The following HIVEP3 variants were observed in gnomAD, a reference collection of about 807,000 sequenced individuals.
HIVEP3 encodes transcription factor HIVEP3.
In HIVEP3, 49 loss-of-function variants were observed where a neutral mutation model predicts 152.8. The observed-to-expected ratio is 0.32, with a 90% CI of 0.26 to 0.41. HIVEP3 has a LOEUF of 0.41. Among genes scored for constraint, HIVEP3 ranks in the 10% least tolerant of loss-of-function variants. HIVEP3 has a pLI of 1.00. For synonymous variants in HIVEP3, 1,269 were observed against 1,289.0 expected (o/e 0.98, Z 0.33); for missense variants, 2,790 against 3,103.3 (o/e 0.90, Z 2.40).
intron 1 of HIVEP3, among the ~76,000 whole-genome samples, chr1:42,035,569 G>C (rs991307366): frequency 2.0e-5 from 3 of 152,084 alleles, no homozygotes; most frequent in Non-Finnish European, 4.4e-5. Flanking sequence ...GCCCGGGAAG[G>C]GGGGCTCGGG....
intron 7 of HIVEP3, among the ~76,000 whole-genome samples, chr1:41,514,904 C>T (rs1282466152): frequency 1.3e-5 from 2 of 152,234 alleles, no homozygotes; most frequent in East Asian, 1.9e-4. Context: ...GAATACTAGC[C>T]TCCTGGTCTG....
intron 2 of HIVEP3, among the ~76,000 whole-genome samples, chr1:41,633,762 C>A (rs1005971671): frequency 2.6e-5 from 4 of 152,254 alleles, no homozygotes; most frequent in Non-Finnish European, 5.9e-5. Context: ...CCCACATTGA[C>A]ACACCCACCT....
chr1:41,548,917 T>C (rs1017590025), intron 5 of HIVEP3, among the ~76,000 whole-genome samples: 1 of 152,122 alleles, frequency 6.6e-6, no homozygotes, highest in Non-Finnish European at 1.5e-5. Context: ...ACATGTACAC[T>C]AAGTGCAGGT....
At chr1:41,730,789 C>T (rs1207592524) in intron 1 of HIVEP3, among the ~76,000 whole-genome samples, 1 of 152,180 alleles carries the variant, frequency 6.6e-6, no homozygotes, top group African/African-American at 2.4e-5. Flanking sequence ...GCCAGGATTC[C>T]GGGCACTTAG....
chr1:41,544,986 A>ACCATCACCACCACCACCACTATCACCG (rs1643690983), intron 5 of HIVEP3, among the ~76,000 whole-genome samples: 1 of 21,620 alleles, frequency 4.6e-5, no homozygotes. Context: ...TATCACCGCC[A>ACCATCACCACCACCACCACTATCACCG]CCACCATCGC....
Position 42,010,956 on chromosome 1 carries a change from G to T in HIVEP3, n.119+24851C>A, listed in dbSNP as rs115494907. ...CTAATTCCTAGCTTGGATCCTGTCT[G>T]AACAAGGTCTCCCTCCTCTGACACA... On this transcript the variant is annotated intron_variant and non_coding_transcript_variant, in intron 1 of 3. Coordinates refer to the HIVEP3 transcript ENST00000489103. 1.3e-3 allele frequency among the ~76,000 whole-genome samples: 198 copies of T among 152,240 alleles called. 1 individual carries two copies. The highest frequency in any genetic ancestry group is 2.5e-3 in the Non-Finnish European group (168 of 68,024).
chr1:41,886,324 G>C (rs1644345820), intron 1 of HIVEP3, among the ~76,000 whole-genome samples: 1 of 152,160 alleles, frequency 6.6e-6, no homozygotes, highest in Non-Finnish European at 1.5e-5. Flanking sequence ...ATGGCTTCCA[G>C]TGCTAAGCTT....
intron 1 of HIVEP3, among the ~76,000 whole-genome samples, chr1:41,797,073 G>A (rs17373807): frequency 0.29 from 43,615 of 152,128 alleles, 7,419 homozygotes; most frequent in Middle Eastern, 0.44. Context: ...TTCTCACTCA[G>A]AGTTCTCCCT....
chr1:41,950,351 C>T (rs1454802534), intron 1 of HIVEP3, among the ~76,000 whole-genome samples: 1 of 152,090 alleles, frequency 6.6e-6, no homozygotes, highest in African/African-American at 2.4e-5. Flanking sequence ...AAACGTGGTA[C>T]CATGCTCTCC....
rs1398597723 is a variant in HIVEP3, at chr1:41,873,402, G to A, written c.-801+45011C>T. 3.3e-5 allele frequency among the ~76,000 whole-genome samples: 5 copies of A among 152,126 alleles called. No individual in the cohort carries two copies. The highest frequency in any genetic ancestry group is 4.8e-5 in the African/African-American group (2 of 41,422). ...GTCCTTTTAGAATTTGGGGGATCCC[G>A]GCACCCACTGTTCTCAGCTTTGGGC... On this transcript the variant is annotated intron_variant, in intron 1 of 8. Transcript: ENST00000372583. This position sits in a 1 kb window ranked among gnomAD's most constrained non-coding sequence, Gnocchi z 4.2.
intron 2 of HIVEP3, among the ~76,000 whole-genome samples, chr1:41,641,197 G>C (rs781072492): frequency 2.0e-5 from 3 of 152,206 alleles, no homozygotes; most frequent in Non-Finnish European, 4.4e-5. Context: ...TGGAGGCCTC[G>C]GGAGATCCCG....
intron 1 of HIVEP3, chr1:41,848,297 T>C (rs572807645): frequency 6.6e-6 from 1 of 152,230 alleles, no homozygotes; most frequent in Non-Finnish European, 1.5e-5. Flanking sequence ...TAAAAGCTGT[T>C]GGACTTGTAC....
Position 41,510,464 on chromosome 1 carries a change from G to A in HIVEP3, c.7208C>T (p.Pro2403Leu), listed in dbSNP as rs771302738. Residue 2403 changes from proline (P) to leucine (L), a missense_variant, in exon 9 of 9, where the codon CCC becomes CTC. Around this residue, in one of 9 missense-constraint regions of HIVEP3, gnomAD observed 816 missense variants for 806.5 expected, o/e 1.01. Coordinates refer to ENST00000372583, the MANE Select transcript of HIVEP3 (RefSeq NM_024503.5). ...GTTGGAGAGAGGCTAAGCGTTGGGG[G>A]GAACCCTGTCCTCAGGCTGATGTGG... ...AHPHQPEDRV[P>L]PNA 4.7e-6 allele frequency: 7 copies of A among 1,504,238 alleles called. No homozygotes were observed. Among genetic ancestry groups the A allele is most frequent in the Middle Eastern group, 1.8e-4 (1 of 5,434 alleles). The allele number at this position is 1,504,238 out of a possible 1,614,324, so 93.2% of individuals were successfully genotyped here.
chr1:41,949,313 C>T (rs962212278), intron 1 of HIVEP3, among the ~76,000 whole-genome samples: 22 of 152,134 alleles, frequency 1.4e-4, no homozygotes, highest in Non-Finnish European at 2.6e-4. Context: ...ACTAGGTACT[C>T]GCATTGGCGG....
At chr1:41,557,396 G>A (rs556448905) in intron 5 of HIVEP3, among the ~76,000 whole-genome samples, 97 of 152,328 alleles carry the variant, frequency 6.4e-4, no homozygotes, top group Non-Finnish European at 1.1e-3. Context: ...CTCTGATGGA[G>A]GGGTGGGTAT....
At chr1:41,702,207 A>G (rs1430710300) in intron 1 of HIVEP3, among the ~76,000 whole-genome samples, 3 of 152,056 alleles carry the variant, frequency 2.0e-5, no homozygotes, top group African/African-American at 4.8e-5. Flanking sequence ...ATCCCCACCA[A>G]CATCAACATC....
At chr1:41,754,579 G>C (rs1408262107) in intron 1 of HIVEP3, among the ~76,000 whole-genome samples, 1 of 152,188 alleles carries the variant, frequency 6.6e-6, no homozygotes, top group African/African-American at 2.4e-5. Context: ...GCTGAGATGA[G>C]CGACAATAAG....
In HIVEP3 at chr1:41,894,070, G is replaced by A. The variant is rs1047556724; in HGVS notation, c.-801+24343C>T. 4.6e-5 allele frequency among the ~76,000 whole-genome samples: 7 copies of A among 151,824 alleles called. No homozygotes were observed. The East Asian group carries it at 1.4e-3, about 29-fold the overall frequency. ...TGAGTAGCTAGGATTACAGACACTC[G>A]CCACCACACCAAGTGCAGGGATTAC... is the stretch of plus-strand genomic sequence containing the variant. On this transcript the variant is annotated intron_variant, in intron 1 of 8. Transcript: ENST00000372583.
intron 1 of HIVEP3, among the ~76,000 whole-genome samples, chr1:41,752,052 C>T (rs1217683750): frequency 6.6e-6 from 1 of 152,210 alleles, no homozygotes; most frequent in Non-Finnish European, 1.5e-5. Flanking sequence ...CCTATGTCAT[C>T]ACTCAGGGGT....
Sources: gnomAD v4.1 joint callset for allele counts (sites outside exome capture counted in the v4.1 genomes callset) on GRCh38, gnomAD v4.1.1 for gene constraint, gnomAD v4.1.1 regional missense constraint, Gnocchi (gnomAD v3.1) non-coding constraint, MANE v1.5 for transcripts, NCBI Gene and HGNC (gene_info 2026-07-23, HGNC 2026-07-21) for gene names.